Variants in BBX observed in about 807,000 individuals in gnomAD.
The protein encoded by BBX is BBX high mobility group box domain containing, also known as HMG box transcription factor BBX.
A neutral mutation model predicts 100.2 loss-of-function variants in BBX; 30 were observed. That is an observed-to-expected ratio of 0.30 (90% confidence interval 0.22 to 0.41). The LOEUF (loss-of-function observed/expected upper bound fraction) is 0.41. BBX is among the 10% of genes least tolerant of loss of function. BBX has a pLI of 1.00. For missense variants in BBX, 1,023 were observed against 1,129.8 expected (o/e 0.91, Z 1.35); for synonymous variants, 376 against 388.1 (o/e 0.97, Z 0.37).
intron 7 of BBX, among the ~76,000 whole-genome samples, chr3:107,740,592 A>G (rs921613769): frequency 2.0e-5 from 3 of 151,988 alleles, no homozygotes; most frequent in African/African-American, 7.3e-5. Context: ...CTCCAGCCCA[A>G]TTTTCAAACT....
chr3:107,540,471 G>A (rs908614158), intron 2 of BBX, among the ~76,000 whole-genome samples: 1 of 152,166 alleles, frequency 6.6e-6, no homozygotes, highest in South Asian at 2.1e-4. Flanking sequence ...GGGTGTAGGA[G>A]GCCCTGAGCC....
intron 2 of BBX, among the ~76,000 whole-genome samples, chr3:107,548,635 T>C (rs1392938003): frequency 2.6e-5 from 4 of 152,202 alleles, no homozygotes; most frequent in African/African-American, 9.7e-5. Context: ...AGTCTACTAC[T>C]GGGTATACAC....
chr3:107,711,232 C>A (rs1316309863), intron 4 of BBX: 1 of 435,716 alleles, frequency 2.3e-6, no homozygotes, highest in Non-Finnish European at 4.7e-6. Context: ...TGCTATTTGC[C>A]ATGTATTTAG....
intron 2 of BBX, among the ~76,000 whole-genome samples, chr3:107,532,501 A>G (rs2048230645): frequency 6.6e-6 from 1 of 152,228 alleles, no homozygotes; most frequent in Non-Finnish European, 1.5e-5. Flanking sequence ...ATGGAGATTG[A>G]GAAGTGTTAC....
In BBX at chr3:107,773,392, T is replaced by C. The variant is rs1170369769; in HGVS notation, c.1671T>C (p.Ser557=). The C allele has an allele frequency of 1.9e-6, 3 of 1,614,116 alleles. No individual in the cohort carries two copies. The highest frequency in any genetic ancestry group is 2.5e-6 in the Non-Finnish European group (3 of 1,180,000). ...AGTCAAGACCTCCAGATTTCATTAG[T>C]ATTTCTGCTAGCAAGAACATTTCTG... ...TKESRPPDFI[S]ISASKNISGE... Residue 557 remains serine (S), a synonymous_variant, in exon 11 of 18, where the codon AGT becomes AGC. Coordinates refer to ENST00000325805, the MANE Select transcript of BBX (RefSeq NM_001142568.3). This position sits in a 1 kb window ranked among gnomAD's most constrained non-coding sequence, Gnocchi z 4.1.
chr3:107,732,776 G>A (rs1287552382), intron 6 of BBX, among the ~76,000 whole-genome samples, 180 bp from the exon 7 acceptor site: 1 of 152,182 alleles, frequency 6.6e-6, no homozygotes, highest in Non-Finnish European at 1.5e-5. Context: ...CAAAGTATGA[G>A]CACTAAGCAC....
intron 2 of BBX, among the ~76,000 whole-genome samples, chr3:107,551,791 G>A (rs981214379): frequency 5.3e-5 from 8 of 152,182 alleles, no homozygotes; most frequent in African/African-American, 1.9e-4. Context: ...GTGACTCTGT[G>A]CCCTGTTAGG....
At chr3:107,561,808 C>G (rs558464490) in intron 2 of BBX, among the ~76,000 whole-genome samples, 1 of 152,230 alleles carries the variant, frequency 6.6e-6, no homozygotes, top group East Asian at 1.9e-4. Flanking sequence ...GAAGTATATG[C>G]TACAAAATCT....
rs1007100574 is a variant in BBX at position 107,760,501 on chromosome 3, C to T, written c.906+4823C>T. 8.5e-5 allele frequency among the ~76,000 whole-genome samples: 13 copies of T among 152,306 alleles called. No individual in the cohort carries two copies. In the South Asian group the frequency reaches 1.9e-3, roughly 22 times the overall value. ...TGTAGGAAATTATGGTATACAACTC[C>T]TGTCCTCAAGGAGCTTATTCTCTAG... On this transcript the variant is annotated intron_variant, in intron 10 of 17. Coordinates refer to ENST00000325805, the MANE Select transcript of BBX (RefSeq NM_001142568.3).
intron 12 of BBX, among the ~76,000 whole-genome samples, chr3:107,775,393 A>C (rs1371051024): frequency 2.6e-5 from 4 of 152,170 alleles, no homozygotes; most frequent in Non-Finnish European, 5.9e-5. Flanking sequence ...TGCAGTATTA[A>C]GCAATGGCAT....
intron 10 of BBX, among the ~76,000 whole-genome samples, chr3:107,761,510 G>A (rs1285534660): frequency 2.0e-5 from 3 of 152,170 alleles, no homozygotes; most frequent in Admixed American, 6.5e-5. Context: ...GACAGAAAGA[G>A]ATGCCAGGGG....
intron 3 of BBX, among the ~76,000 whole-genome samples, chr3:107,686,953 T>TA (rs1452618004): frequency 6.6e-6 from 1 of 152,144 alleles, no homozygotes; most frequent in Non-Finnish European, 1.5e-5. Flanking sequence ...GTGTCTAAAA[T>TA]AAAAAATTTA....
chr3:107,772,803 A>T lies in BBX; in HGVS notation c.1082A>T (p.Lys361Met). Residue 361 changes from lysine (K) to methionine (M), a missense_variant, in exon 11 of 18, where the codon AAG becomes ATG. This residue lies in a region of BBX where 348 missense variants were observed against 353.2 expected (regional missense o/e 0.99). Coordinates refer to ENST00000325805, the MANE Select transcript of BBX (RefSeq NM_001142568.3). Reference protein sequence around the residue: ...QKEAEFEKSAKENLRDSKELR... With the variant: ...QKEAEFEKSAMENLRDSKELR... ...GAAGCAGAATTTGAAAAATCGGCTA[A>T]GGAAAATTTAAGAGATTCTAAGGAA... The T allele has an allele frequency of 6.2e-7, 1 of 1,613,582 alleles. No homozygotes were observed.
intron 14 of BBX, 132 bp downstream of exon 14, chr3:107,790,008 C>T (rs754306756): frequency 8.1e-5 from 48 of 593,772 alleles, no homozygotes; most frequent in Non-Finnish European, 1.2e-4. Context: ...CAGCTCCTGA[C>T]GCGGGTGTTC....
At chr3:107,525,672 C>A (rs1361464411) in intron 1 of BBX, among the ~76,000 whole-genome samples, 1 of 152,162 alleles carries the variant, frequency 6.6e-6, no homozygotes, top group Admixed American at 6.5e-5. Flanking sequence ...TCGCTCTCTT[C>A]CTCCCTCCTT....
intron 2 of BBX, among the ~76,000 whole-genome samples, chr3:107,640,182 A>C (rs1345008772): frequency 6.6e-6 from 1 of 152,156 alleles, no homozygotes; most frequent in Non-Finnish European, 1.5e-5. Flanking sequence ...CAGGGTAGTA[A>C]ACCTAAGGCC....
At position 107,805,436 on chromosome 3, in the gene BBX, T is replaced by C. The variant is rs142628880; in HGVS notation, c.2805T>C (p.Leu935=). The C allele has an allele frequency of 6.2e-7, 1 of 1,614,064 alleles. No homozygotes were observed. The highest frequency in any genetic ancestry group is 8.5e-7 in the Non-Finnish European group (1 of 1,180,006). ...QPKEMPQAPV[L]ISCADQ ...AAGAAATGCCGCAGGCTCCTGTACT[T>C]ATTTCCTGCGCTGACCAGTGAAGCG... Residue 935 remains leucine, a synonymous_variant, in exon 18 of 18, where the codon CTT becomes CTC. Transcript: ENST00000325805.
intron 13 of BBX, among the ~76,000 whole-genome samples, chr3:107,778,994 C>CATATATATATATATATATATATATATAT (rs1286419462): frequency 7.3e-5 from 5 of 68,274 alleles, no homozygotes; most frequent in African/African-American, 3.0e-4. Context: ...CCTCCAGCAA[C>CATATATATATATATATATATATATATAT]ATATATATAT....
rs564981917 is a variant in BBX at position 107,694,993 on chromosome 3, G to A, written c.-9-15459G>A. On this transcript the variant is annotated intron_variant, in intron 3 of 17. Transcript: ENST00000325805. ...CTAGTTTATTTGTGTAGAGGTGTTT[G>A]TAGTATTCTCTGATGGTAGTTTGTA... is the stretch of plus-strand genomic sequence containing the variant. 1.1e-4 allele frequency among the ~76,000 whole-genome samples: 16 copies of A among 151,350 alleles called. No homozygotes were observed. The South Asian group carries it at 3.3e-3, about 32-fold the overall frequency.
Sources: allele counts gnomAD v4.1 joint callset (sites outside exome capture counted in the v4.1 genomes callset), GRCh38; gene constraint gnomAD v4.1.1; regional missense constraint gnomAD v4.1.1; non-coding constraint Gnocchi (gnomAD v3.1); transcripts MANE v1.5; gene names NCBI Gene and HGNC (gene_info 2026-07-23, HGNC 2026-07-21).